The following MLLT3 variants were observed in gnomAD, a reference collection of about 807,000 sequenced individuals.
MLLT3 encodes MLLT3 super elongation complex subunit.
A neutral mutation model predicts 53.2 loss-of-function variants in MLLT3; 4 were observed. That is an observed-to-expected ratio of 0.08 (90% CI 0.04 to 0.17). The LOEUF (loss-of-function observed/expected upper bound fraction) is 0.17, where lower values mean the gene tolerates loss of function less well. Among genes scored for constraint, MLLT3 ranks in the 10% least tolerant of loss-of-function variants. The pLI, the probability that MLLT3 is intolerant of heterozygous loss-of-function variation, is 1.00. For missense variants in MLLT3, 569 were observed against 684.0 expected (o/e 0.83, Z 1.87); for synonymous variants, 283 against 230.6 (o/e 1.23, Z -2.06).
chr9:20,517,962 T>A lies in MLLT3; in HGVS notation c.194-61176A>T, dbSNP rs550778903. On this transcript the variant is annotated intron_variant, in intron 2 of 10. Transcript: ENST00000380338. Reference sequence around the variant, plus strand: ...TCACAAGAAATTACACTGGCCAAAGTTGGCGTAATTTAAACAATAAAATGA... The same window carrying A: ...TCACAAGAAATTACACTGGCCAAAGATGGCGTAATTTAAACAATAAAATGA... Among the ~76,000 whole-genome samples the A allele has an allele frequency of 3.3e-5, 5 of 152,302 alleles. No homozygotes were observed. In the South Asian group the frequency reaches 6.2e-4, roughly 19 times the overall value.
At chr9:20,493,147 T>C (rs753651006) in intron 2 of MLLT3, among the ~76,000 whole-genome samples, 1 of 152,002 alleles carries the variant, frequency 6.6e-6, no homozygotes, top group Non-Finnish European at 1.5e-5. Flanking sequence ...TTAAACATTA[T>C]AAACTTTTTC....
intron 2 of MLLT3, among the ~76,000 whole-genome samples, chr9:20,591,803 C>A (rs971121151): frequency 1.3e-5 from 2 of 152,038 alleles, no homozygotes; most frequent in African/African-American, 4.8e-5. Context: ...TTCTAAGGAA[C>A]ATGAAACTAA....
chr9:20,347,218 A>G (rs1437829154), intron 10 of MLLT3, among the ~76,000 whole-genome samples: 1 of 152,166 alleles, frequency 6.6e-6, no homozygotes, highest in African/African-American at 2.4e-5. Flanking sequence ...TAGTTACATA[A>G]GATGTTGTCA....
At chr9:20,591,292 G>A (rs531262912) in intron 2 of MLLT3, among the ~76,000 whole-genome samples, 27 of 152,220 alleles carry the variant, frequency 1.8e-4, no homozygotes, top group Admixed American at 1.8e-3. Context: ...TTGGGCACTG[G>A]GGGTGCATTT....
intron 9 of MLLT3, among the ~76,000 whole-genome samples, chr9:20,354,342 A>G (rs1036278117): frequency 1.3e-5 from 2 of 152,238 alleles, no homozygotes; most frequent in East Asian, 3.8e-4. Flanking sequence ...GATTTGTGAA[A>G]CATTACAGAG....
chr9:20,455,377 C>A (rs949433174), intron 3 of MLLT3, among the ~76,000 whole-genome samples: 4 of 152,216 alleles, frequency 2.6e-5, no homozygotes, highest in Non-Finnish European at 4.4e-5. Flanking sequence ...GCCAGTGTGA[C>A]ACTGTTCCAG....
chr9:20,542,562 C>CT (rs1304568417), intron 2 of MLLT3, among the ~76,000 whole-genome samples: 1 of 151,964 alleles, frequency 6.6e-6, no homozygotes, highest in Non-Finnish European at 1.5e-5. Context: ...TTAAAGGAGT[C>CT]TTTTTTTTCT....
At chr9:20,568,890 T>C (rs1819453327) in intron 2 of MLLT3, among the ~76,000 whole-genome samples, 1 of 152,116 alleles carries the variant, frequency 6.6e-6, no homozygotes, top group Admixed American at 6.6e-5. Context: ...AGAGTAAAAA[T>C]AGAGTGGGGT....
rs543741914 is a variant in MLLT3, at chr9:20,592,781, C to G, written c.193+27873G>C. ...GTCTAACCAGATCCCTCCTAGAATG[C>G]AGGTGCACTTCAGCCATACGATTAC... On this transcript the variant is annotated intron_variant, in intron 2 of 10. Coordinates refer to ENST00000380338, the MANE Select transcript of MLLT3 (RefSeq NM_004529.4). 2.0e-5 allele frequency among the ~76,000 whole-genome samples: 3 copies of G among 152,288 alleles called. No homozygotes were observed. In the East Asian group the frequency reaches 5.8e-4, roughly 29 times the overall value.
At chr9:20,529,660 C>T (rs1818280776) in intron 2 of MLLT3, among the ~76,000 whole-genome samples, 2 of 150,818 alleles carry the variant, frequency 1.3e-5, no homozygotes, top group African/African-American at 2.4e-5. Context: ...TCAAAGACCA[C>T]TACACTAAGG....
chr9:20,585,337 C>A (rs1819924835), intron 2 of MLLT3, among the ~76,000 whole-genome samples: 1 of 152,142 alleles, frequency 6.6e-6, no homozygotes, highest in Admixed American at 6.6e-5. Flanking sequence ...GACACTAATT[C>A]CATCAGATCA....
intron 2 of MLLT3, among the ~76,000 whole-genome samples, chr9:20,545,203 G>A (rs918263653): frequency 6.7e-6 from 1 of 148,316 alleles, no homozygotes; most frequent in African/African-American, 2.5e-5. Flanking sequence ...TAAACAAAAT[G>A]TGTTATATAC....
At chr9:20,606,708 C>A (rs1820580469) in intron 2 of MLLT3, among the ~76,000 whole-genome samples, 1 of 151,810 alleles carries the variant, frequency 6.6e-6, no homozygotes, top group South Asian at 2.1e-4. Context: ...TTTTTTTCTC[C>A]AAGTAAGCAA....
At chr9:20,395,641 T>A (rs1397118650) in intron 5 of MLLT3, among the ~76,000 whole-genome samples, 1 of 152,206 alleles carries the variant, frequency 6.6e-6, no homozygotes, top group Non-Finnish European at 1.5e-5. Flanking sequence ...TCTCCCTGGA[T>A]AGATATTTGG....
At chr9:20,468,781 T>G (rs1039770791) in intron 2 of MLLT3, among the ~76,000 whole-genome samples, 3 of 152,234 alleles carry the variant, frequency 2.0e-5, no homozygotes, top group African/African-American at 7.2e-5. Flanking sequence ...GTCATATATG[T>G]TACTTCTACT....
chr9:20,571,481 T>G (rs1355796031), intron 2 of MLLT3, among the ~76,000 whole-genome samples: 4 of 152,248 alleles, frequency 2.6e-5, no homozygotes, highest in Non-Finnish European at 5.9e-5. Flanking sequence ...GGGATACATG[T>G]GCAGAACATG....
At chr9:20,464,903 T>C (rs1440800253) in intron 2 of MLLT3, among the ~76,000 whole-genome samples, 1 of 152,132 alleles carries the variant, frequency 6.6e-6, no homozygotes, top group East Asian at 1.9e-4. Flanking sequence ...GTCTGGCTCT[T>C]ATAATTTCAT....
chr9:20,616,579 A>C (rs1010744801), intron 2 of MLLT3, among the ~76,000 whole-genome samples: 6 of 152,180 alleles, frequency 3.9e-5, no homozygotes, highest in African/African-American at 1.2e-4. Context: ...CCGCTAATGC[A>C]AATTTACTTA....
intron 3 of MLLT3, among the ~76,000 whole-genome samples, chr9:20,452,813 T>TA (rs1382626399): frequency 6.6e-6 from 1 of 152,212 alleles, no homozygotes; most frequent in Admixed American, 6.5e-5. Flanking sequence ...TGTAAGATTT[T>TA]AAATTCATAA....
Sources: gnomAD v4.1 joint callset for allele counts (sites outside exome capture counted in the v4.1 genomes callset) on GRCh38, gnomAD v4.1.1 for gene constraint, MANE v1.5 for transcripts, NCBI Gene and HGNC (gene_info 2026-07-23, HGNC 2026-07-21) for gene names.